The following ACYP2 variants were observed in gnomAD, a reference collection of about 807,000 sequenced individuals.
ACYP2 encodes the protein acylphosphatase-2.
A neutral mutation model predicts 11.2 loss-of-function variants in ACYP2; 12 were observed. That is an observed-to-expected ratio of 1.08 (90% confidence interval 0.69 to 1.74). ACYP2 has a LOEUF of 1.74. Ranked by LOEUF, ACYP2 falls within the 40% of genes most tolerant of loss-of-function variation. The pLI, the probability that ACYP2 is intolerant of heterozygous loss-of-function variation, is 0.00. For synonymous variants in ACYP2, 43 were observed against 32.2 expected (o/e 1.33, Z -1.13); for missense variants, 134 against 101.9 (o/e 1.31, Z -1.35).
intron 6 of ACYP2, among the ~76,000 whole-genome samples, chr2:54,231,325 T>A (rs1324601868): frequency 6.6e-6 from 1 of 152,186 alleles, no homozygotes; most frequent in Non-Finnish European, 1.5e-5. Flanking sequence ...ACTCTTTTCG[T>A]CAATATTATG....
At chr2:54,235,980 G>C (rs1686460396) in intron 6 of ACYP2, among the ~76,000 whole-genome samples, 1 of 152,042 alleles carries the variant, frequency 6.6e-6, no homozygotes, top group Non-Finnish European at 1.5e-5. Flanking sequence ...TTCATCATTT[G>C]AAAGAACCAA....
chr2:54,260,881 TA>T lies in ACYP2; in HGVS notation c.405-43801del, dbSNP rs202034370. On this transcript the variant is annotated intron_variant, in intron 6 of 6. Transcript: ENST00000607452. ...AGAGAAGTGAGAATGAGGCAGGAGC[TA>T]AAAAACATGAGAAATGAGAGGGAAT... Among the ~76,000 whole-genome samples the T allele has an allele frequency of 1.3e-4, 20 of 151,982 alleles. No homozygotes were observed. The East Asian group carries it at 3.7e-3, about 28-fold the overall frequency.
chr2:54,074,790 C>T (rs1201957857), intron 4 of ACYP2, among the ~76,000 whole-genome samples: 1 of 152,158 alleles, frequency 6.6e-6, no homozygotes, highest in African/African-American at 2.4e-5. Context: ...CAATGTTGCA[C>T]TTGCGGTCTA....
chr2:54,161,080 G>C (rs1682689601), intron 6 of ACYP2, among the ~76,000 whole-genome samples: 1 of 152,284 alleles, frequency 6.6e-6, no homozygotes, highest in East Asian at 1.9e-4. Flanking sequence ...CCGGAGCCCA[G>C]GGTAAGTTCC....
chr2:54,059,014 G>C (rs1676322065), intron 4 of ACYP2, among the ~76,000 whole-genome samples: 1 of 152,124 alleles, frequency 6.6e-6, no homozygotes, highest in South Asian at 2.1e-4. Flanking sequence ...GATGTTATTT[G>C]TGGTTTATGG....
chr2:54,084,507 G>A (rs921119544), intron 4 of ACYP2: 2 of 152,194 alleles, frequency 1.3e-5, no homozygotes, highest in African/African-American at 4.8e-5. Flanking sequence ...GGCCAGGTTG[G>A]TCTCGAACTC....
intron 6 of ACYP2, among the ~76,000 whole-genome samples, chr2:54,273,308 T>C (rs754369314): frequency 2.6e-5 from 4 of 152,240 alleles, no homozygotes; most frequent in South Asian, 2.1e-4. Context: ...TTAGAAGATA[T>C]ACTACAATAC....
chr2:54,035,027 A>AAAAAAAAAAAAAAAAAAAAAT (rs1558484930), intron 2 of ACYP2, among the ~76,000 whole-genome samples: 1 of 147,632 alleles, frequency 6.8e-6, no homozygotes, highest in African/African-American at 2.5e-5. Context: ...AAAAAAAAAA[A>AAAAAAAAAAAAAAAAAAAAAT]AAAAAGCCTA....
At chr2:54,285,507 C>T (rs78353240) in intron 6 of ACYP2, among the ~76,000 whole-genome samples, 2 of 152,154 alleles carry the variant, frequency 1.3e-5, no homozygotes, top group Non-Finnish European at 1.5e-5. Flanking sequence ...CTGTTGTTAA[C>T]GTAGGTGTCT....
chr2:54,094,505 A>C (rs888644134), intron 4 of ACYP2, among the ~76,000 whole-genome samples: 1 of 151,882 alleles, frequency 6.6e-6, no homozygotes, highest in Non-Finnish European at 1.5e-5. Context: ...CTGGGATTAC[A>C]GGTGTGAGCC....
intron 6 of ACYP2, among the ~76,000 whole-genome samples, chr2:54,140,804 A>C (rs370762135): frequency 1.3e-5 from 2 of 152,156 alleles, no homozygotes; most frequent in African/African-American, 4.8e-5. Flanking sequence ...GCAATGCTGC[A>C]ATAAAATTTT....
intron 6 of ACYP2, among the ~76,000 whole-genome samples, chr2:54,184,960 C>G (rs899073929): frequency 6.6e-6 from 1 of 151,990 alleles, no homozygotes; most frequent in Non-Finnish European, 1.5e-5. Context: ...AGTTCTCTGC[C>G]TCAGCCTCCC....
At chr2:54,012,233 C>G (rs891694325) in intron 2 of ACYP2, among the ~76,000 whole-genome samples, 2 of 146,832 alleles carry the variant, frequency 1.4e-5, no homozygotes, top group Non-Finnish European at 3.0e-5. Context: ...GAGACTCCGT[C>G]TCAAAAAAAA....
At chr2:54,269,703 T>C (rs1688196007) in intron 6 of ACYP2, among the ~76,000 whole-genome samples, 1 of 152,210 alleles carries the variant, frequency 6.6e-6, no homozygotes, top group African/African-American at 2.4e-5. Context: ...CTCATCTCTA[T>C]GTTGAAAAAT....
intron 6 of ACYP2, among the ~76,000 whole-genome samples, chr2:54,213,050 G>A (rs182704465): frequency 2.3e-3 from 349 of 151,990 alleles, no homozygotes; most frequent in African/African-American, 8.2e-3. Context: ...CTCAACTAAT[G>A]AGCCTAGTAC....
chr2:54,094,401 T>C (rs1678401820), intron 4 of ACYP2, among the ~76,000 whole-genome samples: 1 of 152,006 alleles, frequency 6.6e-6, no homozygotes, highest in Non-Finnish European at 1.5e-5. Flanking sequence ...CTAATTTTTT[T>C]GTATTTTTAG....
intron 6 of ACYP2, among the ~76,000 whole-genome samples, chr2:54,260,443 G>T (rs977748036): frequency 2.0e-4 from 31 of 152,124 alleles, no homozygotes; most frequent in Non-Finnish European, 4.0e-4. Context: ...TTCTCCAGCC[G>T]CATTCAACTT....
chr2:54,033,493 G>A (rs963927454), intron 2 of ACYP2, among the ~76,000 whole-genome samples: 2 of 152,068 alleles, frequency 1.3e-5, no homozygotes, highest in East Asian at 3.8e-4. Context: ...GATTACAGGT[G>A]TGAGCCACAA....
intron 4 of ACYP2, among the ~76,000 whole-genome samples, chr2:54,102,922 G>T (rs1336878308): frequency 1.3e-5 from 2 of 152,150 alleles, no homozygotes; most frequent in African/African-American, 4.8e-5. Context: ...GTCCCACAAA[G>T]GTTCTGAGGA....
Sources: gnomAD v4.1 joint callset for allele counts (sites outside exome capture counted in the v4.1 genomes callset) on GRCh38, gnomAD v4.1.1 for gene constraint, MANE v1.5 for transcripts, NCBI Gene and HGNC (gene_info 2026-07-23, HGNC 2026-07-21) for gene names.